RUNX1: variants seen among roughly 807,000 people sequenced by gnomAD.
The protein encoded by RUNX1 is RUNX family transcription factor 1.
RUNX1 carries 19 observed loss-of-function variants against 42.8 expected under a neutral mutation model. The observed-to-expected ratio is 0.44, with a 90% CI of 0.31 to 0.65. The LOEUF is 0.65. Ranked by LOEUF, RUNX1 falls within the 30% of genes least tolerant of loss-of-function variation. RUNX1 has a pLI of 0.07. For missense variants in RUNX1, 528 were observed against 672.0 expected, an observed-to-expected ratio of 0.79 and a Z score of 2.37; for synonymous variants, 271 against 289.4, an observed-to-expected ratio of 0.94 and a Z score of 0.64.
intron 2 of RUNX1, among the ~76,000 whole-genome samples, chr21:34,916,340 G>C (rs1048931915): frequency 1.3e-5 from 2 of 152,152 alleles, no homozygotes; most frequent in African/African-American, 4.8e-5. Flanking sequence ...CATGTTCAAC[G>C]AACATAATAT....
Position 34,789,658 on chromosome 21 carries a change from TAC to T in RUNX1, c.*2475_*2476del, listed in dbSNP as rs1180229515. 1 of 233,000 alleles carries T rather than the reference TAC, an allele frequency of 4.3e-6. No homozygotes were observed. Among genetic ancestry groups the T allele is most frequent in the Admixed American group, 5.6e-5 (1 of 17,758 alleles). The allele number at this position is 233,000 out of a possible 1,614,324, so 14.4% of individuals were successfully genotyped here. A position where few individuals can be genotyped will look rare whatever the true frequency, so the allele number is the denominator to read the frequency against. On this transcript the variant is annotated 3_prime_UTR_variant, in exon 9 of 9. Coordinates refer to ENST00000675419, the MANE Select transcript of RUNX1 (RefSeq NM_001754.5). The stretch of plus-strand genomic sequence containing the variant: ...GCGTGAGACCTATCGCCAAAACAAC[TAC>T]AGTTTGATTTTTTTTGAAACAATTA...
chr21:34,951,044 C>A (rs1283950176), intron 2 of RUNX1, among the ~76,000 whole-genome samples: 3 of 152,362 alleles, frequency 2.0e-5, no homozygotes, highest in Non-Finnish European at 4.4e-5. Context: ...AGCAATTTGT[C>A]AATAGCCTCT....
At chr21:35,011,929 G>A (rs921861197) in intron 2 of RUNX1, among the ~76,000 whole-genome samples, 1 of 152,170 alleles carries the variant, frequency 6.6e-6, no homozygotes, top group African/African-American at 2.4e-5. Context: ...CAGCTGGCTT[G>A]TAACATGAGT....
At position 34,993,524 on chromosome 21, in the gene RUNX1, C is replaced by CAT. The variant is rs1555913219; in HGVS notation, c.58+55317_58+55318insAT. Among the ~76,000 whole-genome samples the CAT allele has an allele frequency of 2.0e-3, 280 of 139,848 alleles. 3 individuals are homozygous for CAT. The highest frequency in any genetic ancestry group is 2.8e-3 in the Non-Finnish European group (181 of 64,252). 91.7% of individuals were successfully genotyped at this position (139,848 alleles called of 152,430 possible). The stretch of plus-strand genomic sequence containing the variant: ...ACACACACACACACACACACACACA[C>CAT]ACATACATACAGGCACACACAGACA... On this transcript the variant is annotated intron_variant, in intron 2 of 8. Coordinates refer to ENST00000675419, the MANE Select transcript of RUNX1 (RefSeq NM_001754.5).
chr21:34,969,559 T>C (rs1296126044), intron 2 of RUNX1, among the ~76,000 whole-genome samples: 1 of 152,126 alleles, frequency 6.6e-6, no homozygotes, highest in Non-Finnish European at 1.5e-5. Flanking sequence ...TTTAAGACAG[T>C]AGATCAAACA....
At chr21:34,822,593 G>A (rs1052425662) in intron 7 of RUNX1, among the ~76,000 whole-genome samples, 7 of 152,190 alleles carry the variant, frequency 4.6e-5, no homozygotes, top group African/African-American at 1.7e-4. Flanking sequence ...TTAAAACTCA[G>A]GCAGTTATGG....
At chr21:34,859,405 C>A (rs568752441) in intron 6 of RUNX1, 69 bp downstream of exon 6, 5 of 1,191,686 alleles carry the variant, frequency 4.2e-6, no homozygotes, top group South Asian at 3.6e-5. Context: ...GAGACATGGT[C>A]CCTGAGTATA....
intron 5 of RUNX1, among the ~76,000 whole-genome samples, chr21:34,863,657 C>A (rs1322894347): frequency 2.7e-5 from 4 of 147,382 alleles, no homozygotes; most frequent in Admixed American, 6.9e-5. Context: ...CGGGTTCAAG[C>A]GATTCTCCTG....
intron 2 of RUNX1, among the ~76,000 whole-genome samples, chr21:35,013,577 T>C (rs570667100): frequency 3.9e-5 from 6 of 152,180 alleles, no homozygotes; most frequent in Non-Finnish European, 8.8e-5. Context: ...GTGGAGATAA[T>C]GTCCAGTGAT....
At chr21:35,014,143 A>G (rs1282140260) in intron 2 of RUNX1, among the ~76,000 whole-genome samples, 1 of 152,242 alleles carries the variant, frequency 6.6e-6, no homozygotes, top group Non-Finnish European at 1.5e-5. Context: ...AAATAAGACA[A>G]AAGTACACAT....
At chr21:35,008,768 G>A (rs539712560) in intron 2 of RUNX1, among the ~76,000 whole-genome samples, 24 of 152,208 alleles carry the variant, frequency 1.6e-4, no homozygotes, top group Non-Finnish European at 5.9e-5. Context: ...TGGTGGACTC[G>A]GTGCTTCTAA....
At chr21:34,934,940 T>C (rs2058474414) in intron 2 of RUNX1, among the ~76,000 whole-genome samples, 1 of 152,202 alleles carries the variant, frequency 6.6e-6, no homozygotes, top group Non-Finnish European at 1.5e-5. Flanking sequence ...TTTCATTTTT[T>C]AGACTTCCCC....
intron 2 of RUNX1, among the ~76,000 whole-genome samples, chr21:35,026,799 G>A (rs971541347): frequency 6.6e-6 from 1 of 152,326 alleles, no homozygotes; most frequent in African/African-American, 2.4e-5. Context: ...GCGGGGACGC[G>A]AGCGGCCCAG....
intron 2 of RUNX1, among the ~76,000 whole-genome samples, chr21:34,994,152 C>T (rs1038087530): frequency 2.0e-5 from 3 of 152,120 alleles, no homozygotes; most frequent in South Asian, 2.1e-4. Flanking sequence ...GTTTTGACAA[C>T]CATTGGATCA....
At chr21:34,929,428 C>T (rs997283833) in intron 2 of RUNX1, among the ~76,000 whole-genome samples, 6 of 152,246 alleles carry the variant, frequency 3.9e-5, no homozygotes, top group Non-Finnish European at 8.8e-5. Context: ...GGGTGAGGGA[C>T]AACAGAGAAA....
At chr21:34,844,038 C>T (rs2057281344) in intron 6 of RUNX1, among the ~76,000 whole-genome samples, 1 of 152,068 alleles carries the variant, frequency 6.6e-6, no homozygotes. Context: ...AGCCTATAAT[C>T]CCAAATATTA....
chr21:34,848,764 TGCCTG>T (rs1353499871), intron 6 of RUNX1, among the ~76,000 whole-genome samples: 3 of 152,200 alleles, frequency 2.0e-5, no homozygotes, highest in Non-Finnish European at 4.4e-5. Context: ...CACTGGGCTA[TGCCTG>T]GCGAGTAGTG....
At chr21:35,013,486 G>T (rs1194436345) in intron 2 of RUNX1, among the ~76,000 whole-genome samples, 1 of 152,172 alleles carries the variant, frequency 6.6e-6, no homozygotes, top group African/African-American at 2.4e-5. Context: ...AGAGGTGAAG[G>T]TTATTGCAAA....
chr21:34,831,207 A>G (rs2057058673), intron 7 of RUNX1, among the ~76,000 whole-genome samples: 1 of 152,204 alleles, frequency 6.6e-6, no homozygotes, highest in African/African-American at 2.4e-5. Flanking sequence ...TACTCATGAC[A>G]AAATGGCTTT....
Sources: gnomAD v4.1 joint callset for allele counts (sites outside exome capture counted in the v4.1 genomes callset) on GRCh38, gnomAD v4.1.1 for gene constraint, MANE v1.5 for transcripts, NCBI Gene and HGNC (gene_info 2026-07-23, HGNC 2026-07-21) for gene names.